TFEC: variants seen among roughly 807,000 people sequenced by gnomAD.
TFEC encodes the protein class E basic helix-loop-helix protein 34.
Under a neutral mutation model 41.6 loss-of-function variants are expected in TFEC, and 31 were observed. The ratio of observed to expected loss-of-function variants is 0.74; its 90% CI spans 0.56 to 1.01. The LOEUF is 1.01. TFEC is among the 50% of genes least tolerant of loss of function. The probability of loss-of-function intolerance (pLI) is 0.00; values close to 1 mark genes in which losing one functional copy is unlikely to be tolerated. For synonymous variants in TFEC, 143 were observed against 140.6 expected (o/e 1.02, Z -0.12); for missense variants, 402 against 404.1 (o/e 0.99, Z 0.04).
intron 3 of TFEC, among the ~76,000 whole-genome samples, chr7:116,047,635 C>T (rs1796201519): frequency 6.6e-6 from 1 of 152,232 alleles, no homozygotes; most frequent in Admixed American, 6.5e-5. Flanking sequence ...CCCTGTCTGA[C>T]AGCTTTGAAG....
At chr7:115,995,218 A>G in intron 1 of TFEC, among the ~76,000 whole-genome samples, 1 of 128,136 alleles carries the variant, frequency 7.8e-6, no homozygotes, top group African/African-American at 2.9e-5. Context: ...GGGGGGAGGG[A>G]TAGCATTAGG....
At chr7:116,075,681 C>T (rs573802413) in intron 3 of TFEC, among the ~76,000 whole-genome samples, 7 of 152,228 alleles carry the variant, frequency 4.6e-5, no homozygotes, top group Non-Finnish European at 7.4e-5. Context: ...GAACATAATT[C>T]CATTTTCCTG....
intron 3 of TFEC, among the ~76,000 whole-genome samples, chr7:116,096,900 G>A (rs1797474783): frequency 1.3e-5 from 2 of 152,014 alleles, no homozygotes; most frequent in Admixed American, 6.6e-5. Context: ...GAACATCCTG[G>A]CCATCATGGT....
chr7:116,006,982 G>A (rs1794818749), intron 1 of TFEC, among the ~76,000 whole-genome samples: 1 of 152,148 alleles, frequency 6.6e-6, no homozygotes. Context: ...CCATGATTGT[G>A]AGGCCTCCCC....
chr7:115,993,546 A>G (rs1487520444), intron 1 of TFEC, among the ~76,000 whole-genome samples: 4 of 152,244 alleles, frequency 2.6e-5, no homozygotes, highest in African/African-American at 9.6e-5. Flanking sequence ...AATCACAAGC[A>G]TTCTTATAAA....
At chr7:116,070,306 A>G (rs1172574263) in intron 3 of TFEC, among the ~76,000 whole-genome samples, 1 of 151,456 alleles carries the variant, frequency 6.6e-6, no homozygotes, top group African/African-American at 2.4e-5. Flanking sequence ...CTTTGCCACC[A>G]AAGTGTAAAG....
At chr7:116,056,999 A>G (rs1389157527) in intron 3 of TFEC, among the ~76,000 whole-genome samples, 2 of 152,104 alleles carry the variant, frequency 1.3e-5, no homozygotes, top group Non-Finnish European at 2.9e-5. Flanking sequence ...ACTTCTAAAT[A>G]TGAAAGCTAC....
At chr7:115,989,204 A>G (rs1025187958) in intron 1 of TFEC, among the ~76,000 whole-genome samples, 4 of 152,228 alleles carry the variant, frequency 2.6e-5, no homozygotes, top group Admixed American at 2.0e-4. Context: ...TTAAGGTAAA[A>G]TAAAATTGCT....
chr7:116,147,127 ATC>A (rs1221568089), intron 1 of TFEC, among the ~76,000 whole-genome samples: 1 of 152,208 alleles, frequency 6.6e-6, no homozygotes, highest in African/African-American at 2.4e-5. Context: ...TCCAACATAT[ATC>A]TGTCTAATTA....
chr7:115,953,218 C>T (rs1792043581), intron 5 of TFEC, among the ~76,000 whole-genome samples: 2 of 147,482 alleles, frequency 1.4e-5, no homozygotes, highest in South Asian at 4.2e-4. Flanking sequence ...CCTGCCCTGA[C>T]ATTTTCACGC....
At chr7:115,988,522 G>A (rs1199698250) in intron 1 of TFEC, among the ~76,000 whole-genome samples, 2 of 151,584 alleles carry the variant, frequency 1.3e-5, no homozygotes, top group African/African-American at 4.8e-5. Context: ...GAACTGAAAA[G>A]CAAAAAGAAA....
chr7:116,116,166 T>C (rs1053561355), intron 1 of TFEC, among the ~76,000 whole-genome samples: 2 of 152,036 alleles, frequency 1.3e-5, no homozygotes, highest in African/African-American at 4.8e-5. Context: ...ACATGGTAGA[T>C]AGTAAAATAA....
At chr7:116,099,371 T>C (rs564829767) in intron 3 of TFEC, among the ~76,000 whole-genome samples, 1 of 152,286 alleles carries the variant, frequency 6.6e-6, no homozygotes, top group South Asian at 2.1e-4. Flanking sequence ...CAATATGTGG[T>C]AGATTTTTAC....
At chr7:116,100,452 A>G (rs1797578241) in intron 3 of TFEC, among the ~76,000 whole-genome samples, 1 of 152,186 alleles carries the variant, frequency 6.6e-6, no homozygotes, top group African/African-American at 2.4e-5. Flanking sequence ...CTTAACTGCA[A>G]CAAACTTTAA....
chr7:116,125,258 T>C (rs1006368393), intron 1 of TFEC, among the ~76,000 whole-genome samples: 3 of 152,124 alleles, frequency 2.0e-5, no homozygotes, highest in African/African-American at 7.2e-5. Context: ...GAGAAAGCAT[T>C]GGAGGCAGAC....
rs542327083 is a variant in TFEC, at chr7:116,099,113, G to A, written c.198+11595C>T. Among the ~76,000 whole-genome samples the A allele has an allele frequency of 7.8e-4, 119 of 152,284 alleles. 1 individual carries two copies. The highest frequency in any genetic ancestry group is 2.7e-3 in the African/African-American group (113 of 41,574). On this transcript the variant is annotated intron_variant, in intron 3 of 8. Coordinates refer to the TFEC transcript ENST00000484212. The stretch of plus-strand genomic sequence containing the variant: ...AATGTTTTTCTCTGTGAAAGATCTT[G>A]TTAAAAGGATGAAAAGATAGATAGG...
intron 1 of TFEC, among the ~76,000 whole-genome samples, chr7:116,011,006 A>G (rs1468024119): frequency 6.6e-6 from 1 of 152,186 alleles, no homozygotes; most frequent in Non-Finnish European, 1.5e-5. Flanking sequence ...TGAAAACCAG[A>G]AGGATTTTTT....
chr7:116,015,127 G>T (rs1174847816), intron 1 of TFEC, among the ~76,000 whole-genome samples: 1 of 149,412 alleles, frequency 6.7e-6, no homozygotes, highest in Admixed American at 6.7e-5. Flanking sequence ...TAAATTATTA[G>T]AATTATATAA....
Position 115,948,183 on chromosome 7 carries a change from A to C in TFEC, c.515+2691T>G, listed in dbSNP as rs1202349922. Among the ~76,000 whole-genome samples, 6 of 151,730 alleles carry C rather than the reference A, an allele frequency of 4.0e-5. No homozygotes were observed. In the South Asian group the frequency reaches 1.3e-3, roughly 32 times the overall value. ...AATCTCTGAATAGACCAATAACAGG[A>C]GCTGAAATTGTGGCAATAATCAATA... On this transcript the variant is annotated intron_variant, in intron 6 of 7. Transcript: ENST00000265440.
Sources: gnomAD v4.1 joint callset for allele counts (sites outside exome capture counted in the v4.1 genomes callset) on GRCh38, gnomAD v4.1.1 for gene constraint, MANE v1.5 for transcripts, NCBI Gene and HGNC (gene_info 2026-07-23, HGNC 2026-07-21) for gene names.